FBXO36: variants seen among roughly 807,000 people sequenced by gnomAD.
The protein encoded by FBXO36 is F-box protein 36, also known as F-box only protein 36.
FBXO36 carries 18 observed loss-of-function variants against 17.0 expected under a neutral mutation model. The observed-to-expected ratio is 1.06, with a 90% CI of 0.73 to 1.57. The LOEUF is 1.57. Among genes scored for constraint, FBXO36 ranks in the 40% most tolerant of loss-of-function variants. The pLI is 0.00. For synonymous variants in FBXO36, 83 were observed against 85.3 expected (o/e 0.97, Z 0.15); for missense variants, 229 against 221.9 (o/e 1.03, Z -0.20).
At chr2:229,942,694 G>T (rs914482327) in intron 1 of FBXO36, 1 of 152,330 alleles carries the variant, frequency 6.6e-6, no homozygotes, top group Non-Finnish European at 1.5e-5. Context: ...CTCCCACCAC[G>T]TCTCTGGGTT....
chr2:229,934,992 T>C (rs1173073393), intron 1 of FBXO36, among the ~76,000 whole-genome samples: 41 of 152,224 alleles, frequency 2.7e-4, no homozygotes, highest in Non-Finnish European at 2.9e-5. Flanking sequence ...CATTTTATTC[T>C]AACCTCCTCT....
At chr2:229,967,476 C>G (rs1246611599) in intron 1 of FBXO36, among the ~76,000 whole-genome samples, 1 of 152,164 alleles carries the variant, frequency 6.6e-6, no homozygotes. Flanking sequence ...GGGAATGCTT[C>G]CAGTTTTTGC....
In FBXO36 at chr2:230,009,500, A is replaced by G. The variant is rs181449818; in HGVS notation, c.379-1196A>G. Among the ~76,000 whole-genome samples the G allele has an allele frequency of 2.5e-3, 381 of 152,286 alleles. 1 individual carries two copies. Among genetic ancestry groups the G allele is most frequent in the Non-Finnish European group, 4.1e-3 (279 of 68,016 alleles). On this transcript the variant is annotated intron_variant, in intron 3 of 3. Coordinates refer to ENST00000283946, the MANE Select transcript of FBXO36 (RefSeq NM_174899.5). Reference sequence around the variant, plus strand: ...TGGCAAAAGTTAATAGAAGAATAGAACATCTTCTACTTTCAAGACCAAGAA... The same window carrying G: ...TGGCAAAAGTTAATAGAAGAATAGAGCATCTTCTACTTTCAAGACCAAGAA...
At chr2:229,967,957 A>T (rs2077162008) in intron 1 of FBXO36, among the ~76,000 whole-genome samples, 1 of 152,070 alleles carries the variant, frequency 6.6e-6, no homozygotes, top group African/African-American at 2.4e-5. Context: ...GAATGGTACC[A>T]GCTCCTCCTT....
At chr2:230,006,487 T>G (rs1442705076) in intron 3 of FBXO36, among the ~76,000 whole-genome samples, 1 of 152,190 alleles carries the variant, frequency 6.6e-6, no homozygotes, top group African/African-American at 2.4e-5. Flanking sequence ...ACCCGACTGC[T>G]GGACCGAGTG....
intron 1 of FBXO36, among the ~76,000 whole-genome samples, chr2:229,929,567 A>G (rs1222662057): frequency 6.6e-6 from 1 of 150,454 alleles, no homozygotes; most frequent in African/African-American, 2.4e-5. Context: ...CTCTGTTTCA[A>G]AAAAAAAAGA....
chr2:229,973,613 C>T (rs1489327222), intron 1 of FBXO36, among the ~76,000 whole-genome samples: 1 of 151,266 alleles, frequency 6.6e-6, no homozygotes, highest in Non-Finnish European at 1.5e-5. Flanking sequence ...CCCAGCTACT[C>T]AGGAGGCTAA....
At chr2:229,933,922 G>T (rs1235110359) in intron 1 of FBXO36, among the ~76,000 whole-genome samples, 1 of 151,792 alleles carries the variant, frequency 6.6e-6, no homozygotes, top group Non-Finnish European at 1.5e-5. Flanking sequence ...CTGAACTCAG[G>T]TGATCTGCCC....
chr2:229,984,292 G>A (rs1323905678), intron 2 of FBXO36, among the ~76,000 whole-genome samples: 2 of 151,786 alleles, frequency 1.3e-5, no homozygotes, highest in African/African-American at 4.8e-5. Context: ...AGGTTGCAGT[G>A]AGCCGAGATC....
At chr2:229,964,280 C>T (rs1204959589) in intron 1 of FBXO36, among the ~76,000 whole-genome samples, 2 of 152,112 alleles carry the variant, frequency 1.3e-5, no homozygotes, top group Non-Finnish European at 2.9e-5. Context: ...AATGTATAAC[C>T]GCCATCATTA....
At chr2:229,946,131 C>T (rs564733647) in intron 1 of FBXO36, among the ~76,000 whole-genome samples, 5 of 151,978 alleles carry the variant, frequency 3.3e-5, no homozygotes, top group African/African-American at 4.8e-5. Flanking sequence ...GGGAAGGAAG[C>T]GGAAGCAGGT....
At chr2:229,957,714 G>A (rs917980078) in intron 1 of FBXO36, among the ~76,000 whole-genome samples, 6 of 152,114 alleles carry the variant, frequency 3.9e-5, no homozygotes, top group East Asian at 1.9e-4. Flanking sequence ...AGAAAGGGAC[G>A]AGAGAGAGAA....
Position 229,992,249 on chromosome 2 carries a change from C to T in FBXO36, c.206-4502C>T, listed in dbSNP as rs1402142313. On this transcript the variant is annotated intron_variant, in intron 2 of 3. Coordinates refer to ENST00000283946, the MANE Select transcript of FBXO36 (RefSeq NM_174899.5). ...TCTTGGCTACGGCACCCTCTGCCTC[C>T]CGGGTTCAAGCAATTATCATGCCTC... Among the ~76,000 whole-genome samples, 10 of 152,054 alleles carry T rather than the reference C, an allele frequency of 6.6e-5. No individual in the cohort carries two copies. In the East Asian group the frequency reaches 1.2e-3, roughly 18 times the overall value.
rs912272563 is a variant in FBXO36, at chr2:230,012,742, C to T, written c.*1858C>T. ...GAGGATGCAGACACAACCACAATTACGTATGTCAACATAACTTCATAAATA... is the reference window on the plus strand; with the variant it reads ...GAGGATGCAGACACAACCACAATTATGTATGTCAACATAACTTCATAAATA... On this transcript the variant is annotated 3_prime_UTR_variant, in exon 4 of 4. Coordinates refer to ENST00000283946, the MANE Select transcript of FBXO36 (RefSeq NM_174899.5). 3 of 151,718 alleles carry T rather than the reference C, an allele frequency of 2.0e-5. No individual in the cohort carries two copies. Among genetic ancestry groups the T allele is most frequent in the East Asian group, 1.9e-4 (1 of 5,204 alleles). 9.4% of individuals were successfully genotyped at this position (151,718 alleles called of 1,614,324 possible). A position where few individuals can be genotyped will look rare whatever the true frequency, so the allele number is the denominator to read the frequency against.
chr2:229,927,628 T>C (rs2076919914), intron 1 of FBXO36, among the ~76,000 whole-genome samples: 1 of 152,066 alleles, frequency 6.6e-6, no homozygotes, highest in Admixed American at 6.6e-5. Flanking sequence ...AGAGCACCAA[T>C]ATGTTATAGT....
chr2:229,994,109 T>C (rs1358050560), intron 2 of FBXO36, among the ~76,000 whole-genome samples: 1 of 152,166 alleles, frequency 6.6e-6, no homozygotes, highest in Non-Finnish European at 1.5e-5. Flanking sequence ...GTGGAGACTT[T>C]CTAAAGTATA....
At chr2:229,992,140 AG>A (rs2106206983) in intron 2 of FBXO36, among the ~76,000 whole-genome samples, 2 of 151,414 alleles carry the variant, frequency 1.3e-5, no homozygotes, top group East Asian at 3.9e-4. Flanking sequence ...ACAACCCATA[AG>A]TTGCATTTTT....
chr2:229,971,152 G>C (rs1341773646), intron 1 of FBXO36, among the ~76,000 whole-genome samples: 1 of 152,070 alleles, frequency 6.6e-6, no homozygotes, highest in Non-Finnish European at 1.5e-5. Context: ...TCAGGAGTTT[G>C]AGACCAGCCT....
intron 1 of FBXO36, among the ~76,000 whole-genome samples, chr2:229,962,046 A>G (rs781731815): frequency 6.6e-6 from 1 of 152,006 alleles, no homozygotes; most frequent in Non-Finnish European, 1.5e-5. Context: ...AGCTGGGCAC[A>G]GTGGCATGCG....
Sources: allele counts gnomAD v4.1 joint callset (sites outside exome capture counted in the v4.1 genomes callset), GRCh38; gene constraint gnomAD v4.1.1; transcripts MANE v1.5; gene names NCBI Gene and HGNC (gene_info 2026-07-23, HGNC 2026-07-21).